SORBS2: variants seen among roughly 807,000 people sequenced by gnomAD.
The protein encoded by SORBS2 is sorbin and SH3 domain-containing protein 2.
A neutral mutation model predicts 97.7 loss-of-function variants in SORBS2; 46 were observed. The ratio of observed to expected loss-of-function variants is 0.47; its 90% CI spans 0.37 to 0.60. The LOEUF is 0.60. SORBS2 is among the 20% of genes least tolerant of loss of function. SORBS2 has a pLI of 0.00. For missense variants in SORBS2, 1,316 were observed against 1,282.3 expected (o/e 1.03, Z -0.40); for synonymous variants, 476 against 473.4 (o/e 1.01, Z -0.07).
chr4:185,656,646 C>T, exon 1 of SORBS2: 1 of 1,551,232 alleles, frequency 6.4e-7, no homozygotes, highest in Non-Finnish European at 8.7e-7. Flanking sequence ...CATCCTGTCC[C>T]CGGCTTCCTT....
intron 1 of SORBS2, among the ~76,000 whole-genome samples, chr4:185,890,885 A>C (rs967399078): frequency 6.6e-6 from 1 of 152,204 alleles, no homozygotes; most frequent in African/African-American, 2.4e-5. Flanking sequence ...ACAAAACTAT[A>C]AGAAACATTT....
chr4:185,785,215 C>T (rs535250409), intron 1 of SORBS2, among the ~76,000 whole-genome samples: 3 of 55,648 alleles, frequency 5.4e-5, no homozygotes, highest in African/African-American at 9.4e-5. Context: ...TGACTTTGAG[C>T]GTTTAAAAAA....
In SORBS2 at chr4:185,861,609, T is replaced by C. The variant is rs879329538; in HGVS notation, c.-337-86243A>G. Among the ~76,000 whole-genome samples the C allele has an allele frequency of 1.0e-3, 153 of 147,364 alleles. 1 individual carries two copies. Among genetic ancestry groups the C allele is most frequent in the Non-Finnish European group, 1.8e-3 (123 of 67,032 alleles). ...AAAGATCTGACTTCTATTTTTTTTT[T>C]TTTCTTTCTTTTTTTGAGATGGAAT... On this transcript the variant is annotated intron_variant, in intron 1 of 20. Transcript: ENST00000284776.
chr4:185,672,257 G>C (rs186027328), intron 4 of SORBS2, among the ~76,000 whole-genome samples: 33 of 152,324 alleles, frequency 2.2e-4, no homozygotes, highest in Admixed American at 1.7e-3. Context: ...ATGACAGTCG[G>C]GCAAGTTCCC....
intron 1 of SORBS2, among the ~76,000 whole-genome samples, chr4:185,828,683 G>A (rs562758009): frequency 6.6e-6 from 1 of 152,068 alleles, no homozygotes; most frequent in African/African-American, 2.4e-5. Flanking sequence ...AATGTCCCAA[G>A]TGGCAGACAC....
Position 185,623,321 on chromosome 4 carries a change from A to G in SORBS2, c.1808T>C (p.Phe603Ser), listed in dbSNP as rs373879643. The G allele has an allele frequency of 5.0e-6, 8 of 1,614,104 alleles. No individual in the cohort carries two copies. The African/African-American group carries it at 9.3e-5, about 19-fold the overall frequency. ...CCGGAAAGGCACAGGACTGACTAGA[A>G]AAGCAAGTTTAGAAAGGCCAGGGTC... Residue 603 changes from phenylalanine to serine, a missense_variant, in exon 7 of 15, where the codon TTT (phenylalanine) becomes TCT (serine). Coordinates refer to ENST00000418609, the Ensembl canonical transcript of SORBS2. This position sits in a 1 kb window ranked among gnomAD's most constrained non-coding sequence, Gnocchi z 6.4.
At chr4:185,919,104 T>C (rs1283336840) in intron 1 of SORBS2, among the ~76,000 whole-genome samples, 2 of 152,172 alleles carry the variant, frequency 1.3e-5, no homozygotes. Flanking sequence ...GAATCAGAAC[T>C]CTTTTCATGA....
chr4:185,723,045 C>T (rs917141359), intron 2 of SORBS2, among the ~76,000 whole-genome samples: 2 of 152,058 alleles, frequency 1.3e-5, no homozygotes, highest in Non-Finnish European at 1.5e-5. Flanking sequence ...GAGTTTGTAA[C>T]AGGCCTAGCA....
intron 1 of SORBS2, among the ~76,000 whole-genome samples, chr4:185,793,544 G>A (rs1002983512): frequency 1.1e-4 from 16 of 152,290 alleles, no homozygotes; most frequent in Middle Eastern, 3.4e-3. Flanking sequence ...CAAATGGATT[G>A]TATATTAAGA....
At chr4:185,723,800 T>G (rs1188270850) in intron 2 of SORBS2, among the ~76,000 whole-genome samples, 1 of 152,206 alleles carries the variant, frequency 6.6e-6, no homozygotes, top group Non-Finnish European at 1.5e-5. Flanking sequence ...TGACCTTTCT[T>G]CAGTGAACGT....
intron 1 of SORBS2, among the ~76,000 whole-genome samples, chr4:185,845,724 T>TA (rs1263560627): frequency 1.3e-5 from 2 of 151,910 alleles, no homozygotes; most frequent in African/African-American, 4.8e-5. Flanking sequence ...CAACCCAATT[T>TA]AAAAAAAGAA....
intron 2 of SORBS2, among the ~76,000 whole-genome samples, chr4:185,754,301 G>A (rs2098818197): frequency 6.6e-6 from 1 of 152,174 alleles, no homozygotes; most frequent in African/African-American, 2.4e-5. Flanking sequence ...CTACTTGAGG[G>A]TGGAAGGTGG....
intron 14 of SORBS2, 156 bp from the exon 27 acceptor site, chr4:185,587,844 CA>C: frequency 3.2e-6 from 2 of 620,064 alleles, no homozygotes; most frequent in South Asian, 1.9e-5. Context: ...CATAGGCAGA[CA>C]AAATAAGCAG....
chr4:185,759,458 G>T (rs1483250082), intron 2 of SORBS2, among the ~76,000 whole-genome samples: 2 of 152,152 alleles, frequency 1.3e-5, no homozygotes, highest in Non-Finnish European at 2.9e-5. Context: ...CTTTTTCTAA[G>T]GATTGAGCTG....
chr4:185,732,092 G>T (rs1030883821), intron 2 of SORBS2, among the ~76,000 whole-genome samples: 3 of 151,778 alleles, frequency 2.0e-5, no homozygotes, highest in Non-Finnish European at 4.4e-5. Context: ...TTACTACTGA[G>T]GAAGTTAACC....
intron 2 of SORBS2, among the ~76,000 whole-genome samples, chr4:185,697,230 T>G (rs901186825): frequency 6.6e-6 from 1 of 152,222 alleles, no homozygotes; most frequent in Non-Finnish European, 1.5e-5. Flanking sequence ...GAAGCAGATC[T>G]TTACCTTTGA....
intron 1 of SORBS2, among the ~76,000 whole-genome samples, chr4:185,787,673 C>A (rs1186867365): frequency 6.6e-6 from 1 of 152,190 alleles, no homozygotes; most frequent in Non-Finnish European, 1.5e-5. Context: ...TGTCTCCACC[C>A]TATCCTAAGT....
intron 2 of SORBS2, among the ~76,000 whole-genome samples, chr4:185,745,731 C>T (rs2098755650): frequency 6.6e-6 from 1 of 152,170 alleles, no homozygotes. Context: ...TAGTTTTCTT[C>T]AACGGATATA....
intron 1 of SORBS2, among the ~76,000 whole-genome samples, chr4:185,794,887 G>T (rs1022112544): frequency 1.3e-5 from 2 of 152,100 alleles, no homozygotes; most frequent in African/African-American, 4.8e-5. Flanking sequence ...CCTCTGGCCT[G>T]GGGAGAAGCT....
Sources: gnomAD v4.1 joint callset for allele counts (sites outside exome capture counted in the v4.1 genomes callset) on GRCh38, gnomAD v4.1.1 for gene constraint, Gnocchi (gnomAD v3.1) non-coding constraint, MANE v1.5 for transcripts, NCBI Gene and HGNC (gene_info 2026-07-23, HGNC 2026-07-21) for gene names.